The following SOX13 variants were observed in gnomAD, a reference collection of about 807,000 sequenced individuals.
SOX13 encodes the protein SRY-box transcription factor 13, also known as transcription factor SOX-13.
SOX13 carries 28 observed loss-of-function variants against 71.8 expected under a neutral mutation model. The ratio of observed to expected loss-of-function variants is 0.39; its 90% confidence interval spans 0.29 to 0.53. SOX13 has a LOEUF of 0.53. SOX13 is among the 20% of genes least tolerant of loss of function. The pLI is 0.70. For missense variants in SOX13, 627 were observed against 810.3 expected (o/e 0.77, Z 2.75); for synonymous variants, 309 against 317.8 (o/e 0.97, Z 0.29).
Position 204,126,494 on chromosome 1 carries a change from A to C in SOX13, c.*360A>C. The stretch of plus-strand genomic sequence containing the variant: ...CCCTGGGGTCACATGCTTTGTTTCC[A>C]TTCTTGTCCTGGCTGGACCAGCCAC... On this transcript the variant is annotated 3_prime_UTR_variant, in exon 14 of 14. Coordinates refer to ENST00000367204, the MANE Select transcript of SOX13 (RefSeq NM_005686.3). 3.6e-6 allele frequency: 1 copy of C among 279,310 alleles called. No homozygotes were observed. The highest frequency in any genetic ancestry group is 5.5e-5 in the South Asian group (1 of 18,208). The allele number at this position is 279,310 out of a possible 1,614,324, so 17.3% of individuals were successfully genotyped here. A position where few individuals can be genotyped will look rare whatever the true frequency, so the allele number is the denominator to read the frequency against.
intron 1 of SOX13, among the ~76,000 whole-genome samples, chr1:204,078,707 G>A (rs1337184271): frequency 8.5e-5 from 13 of 152,120 alleles, no homozygotes; most frequent in Admixed American, 8.5e-4. Flanking sequence ...TCAGCTCCCT[G>A]CCCCGAAGCA....
intron 6 of SOX13, 59 bp downstream of exon 6, chr1:204,117,249 C>T: frequency 6.9e-7 from 1 of 1,446,166 alleles, no homozygotes; most frequent in South Asian, 1.1e-5. Context: ...TGACACCGGC[C>T]TGGAGGGTGC....
chr1:204,074,342 C>T (rs577872023), intron 1 of SOX13: 5 of 150,668 alleles, frequency 3.3e-5, no homozygotes, highest in South Asian at 4.2e-4. Context: ...CCACCCCCAC[C>T]GCAGGCTGCT....
chr1:204,077,517 C>T (rs886428762), intron 1 of SOX13, among the ~76,000 whole-genome samples: 3 of 152,000 alleles, frequency 2.0e-5, no homozygotes, highest in Non-Finnish European at 4.4e-5. Flanking sequence ...CCAAAACCTC[C>T]CAAAAACGTG....
intron 1 of SOX13, among the ~76,000 whole-genome samples, chr1:204,096,750 A>G (rs376951501): frequency 1.6e-4 from 25 of 152,146 alleles, no homozygotes; most frequent in African/African-American, 5.8e-4. Flanking sequence ...AGGTTTTTCC[A>G]TGTTGCCCAG....
At chr1:204,096,001 GC>G (rs1211440656) in intron 1 of SOX13, among the ~76,000 whole-genome samples, 3 of 152,140 alleles carry the variant, frequency 2.0e-5, no homozygotes, top group Non-Finnish European at 4.4e-5. Context: ...TGTCAAGATT[GC>G]CTTCCAGCTT....
At chr1:204,124,550 T>C (rs941940978) in intron 12 of SOX13, 91 bp from the exon 13 acceptor site, 15 of 1,077,426 alleles carry the variant, frequency 1.4e-5, no homozygotes, top group Non-Finnish European at 1.6e-5. Context: ...TGGACCCACC[T>C]GGGGATCAAG....
At position 204,112,943 on chromosome 1, in the gene SOX13, C is replaced by T; in HGVS notation, c.28C>T (p.Gln10Ter). Residue 10 changes from glutamine (Q) to a stop codon, truncating the protein, a stop_gained, in exon 2 of 14, where the codon CAG (glutamine) becomes TAG (stop). Coordinates refer to ENST00000367204, the MANE Select transcript of SOX13 (RefSeq NM_005686.3). LOFTEE classifies it high-confidence loss of function. MSMRSPISA[Q>*]LALDGVGTMV... ...GTCCATGAGGAGCCCCATCTCTGCC[C>T]AGCTGGCCCTGGATGGCGTTGGCAC... The T allele has an allele frequency of 6.2e-7, 1 of 1,613,746 alleles. No individual in the cohort carries two copies. Among genetic ancestry groups the T allele is most frequent in the Non-Finnish European group, 8.5e-7 (1 of 1,179,856 alleles).
intron 5 of SOX13, 131 bp from the exon 6 acceptor site, chr1:204,116,991 C>T: frequency 3.3e-6 from 3 of 918,698 alleles, no homozygotes; most frequent in Non-Finnish European, 5.1e-6. Flanking sequence ...GGGCTGACTG[C>T]TTTGCTCCCT....
At chr1:204,097,693 C>CA (rs35230746) in intron 1 of SOX13, among the ~76,000 whole-genome samples, 16,699 of 69,568 alleles carry the variant, frequency 0.24, 1,262 homozygotes, top group East Asian at 0.47. Flanking sequence ...AACTCCGTCT[C>CA]AAAAAAAAAA....
chr1:204,091,233 A>C (rs910483046), intron 1 of SOX13, among the ~76,000 whole-genome samples: 7 of 152,084 alleles, frequency 4.6e-5, no homozygotes, highest in African/African-American at 1.7e-4. Flanking sequence ...CCCTGGGAAA[A>C]AGACAAGTCG....
At chr1:204,114,635 T>C in intron 4 of SOX13, 30 bp downstream of exon 4, 1 of 1,486,650 alleles carries the variant, frequency 6.7e-7, no homozygotes, top group Non-Finnish European at 9.4e-7. Flanking sequence ...GGGGGAGATG[T>C]TTGAACCCCA....
chr1:204,116,496 C>T lies in SOX13; in HGVS notation c.419-11C>T, dbSNP rs1399251557. ...AAAAGTCTCAATGGGGTCTGTTTCA[C>T]TGTGGAGCAGGGACCCAAGAGAGCC... On this transcript the variant is annotated splice_polypyrimidine_tract_variant and intron_variant, in intron 4 of 13. Transcript: ENST00000367204. 6.2e-6 allele frequency: 10 copies of T among 1,613,388 alleles called. No homozygotes were observed. The highest frequency in any genetic ancestry group is 7.6e-6 in the Non-Finnish European group (9 of 1,179,550).
chr1:204,091,731 T>C (rs1249666554), intron 1 of SOX13, among the ~76,000 whole-genome samples: 1 of 92,684 alleles, frequency 1.1e-5, no homozygotes, highest in African/African-American at 3.6e-5. Flanking sequence ...TGTGTGCGTG[T>C]GCGTGTGTGT....
At chr1:204,099,109 T>TG (rs1558214765) in intron 1 of SOX13, among the ~76,000 whole-genome samples, 2 of 152,144 alleles carry the variant, frequency 1.3e-5, no homozygotes, top group African/African-American at 4.8e-5. Flanking sequence ...CCATGGCTCT[T>TG]GGGACCTCTG....
chr1:204,092,907 C>T (rs891904910), intron 1 of SOX13, among the ~76,000 whole-genome samples: 2 of 30,318 alleles, frequency 6.6e-5, no homozygotes, highest in Non-Finnish European at 1.1e-4. Context: ...TTTCCGCTTC[C>T]TAACTGAAAT....
rs1032656222 is a variant in SOX13, at chr1:204,123,739, A to G, written c.1310A>G (p.Asp437Gly). 1.9e-6 allele frequency: 3 copies of G among 1,614,184 alleles called. No individual in the cohort carries two copies. Among genetic ancestry groups the G allele is most frequent in the Non-Finnish European group, 2.5e-6 (3 of 1,180,038 alleles). Residue 437 changes from aspartate to glycine, a missense_variant, in exon 12 of 14, where the codon GAT (aspartate) becomes GGT (glycine). Coordinates refer to ENST00000367204, the MANE Select transcript of SOX13 (RefSeq NM_005686.3). This position sits in a 1 kb window ranked among gnomAD's most constrained non-coding sequence, Gnocchi z 5.0. ...PMNAFMVWAK[D>G]ERRKILQAFP... The stretch of plus-strand genomic sequence containing the variant: ...AACGCCTTCATGGTGTGGGCCAAGG[A>G]TGAGCGGAGGAAGATCCTGCAAGCC...
chr1:204,118,146 G>A (rs1656731494), intron 7 of SOX13: 1 of 166,508 alleles, frequency 6.0e-6, no homozygotes, highest in African/African-American at 2.4e-5. Flanking sequence ...AATTAGCTGG[G>A]TGTGGTGGTG....
At chr1:204,115,479 T>G (rs1376962236) in intron 4 of SOX13, among the ~76,000 whole-genome samples, 53 of 113,720 alleles carry the variant, frequency 4.7e-4, no homozygotes, top group Admixed American at 9.1e-4. Flanking sequence ...GATGTTGTTT[T>G]TTTTTTTTTT....
Sources: gnomAD v4.1 joint callset for allele counts (sites outside exome capture counted in the v4.1 genomes callset) on GRCh38, gnomAD v4.1.1 for gene constraint, Gnocchi (gnomAD v3.1) non-coding constraint, MANE v1.5 for transcripts, NCBI Gene and HGNC (gene_info 2026-07-23, HGNC 2026-07-21) for gene names.